Variants in ZC3H18 observed in about 807,000 individuals in gnomAD.
ZC3H18 encodes the protein zinc finger CCCH-type containing 18, also known as zinc finger CCCH domain-containing protein 18.
ZC3H18 carries 8 observed loss-of-function variants against 106.1 expected under a neutral mutation model. That is an observed-to-expected ratio of 0.08 (90% confidence interval 0.04 to 0.14). ZC3H18 has a LOEUF of 0.14. Ranked by LOEUF, ZC3H18 falls within the 10% of genes least tolerant of loss-of-function variation. The pLI is 1.00. For missense variants in ZC3H18, 1,318 were observed against 1,278.4 expected, an observed-to-expected ratio of 1.03 and a Z score of -0.47; for synonymous variants, 635 against 522.1, an observed-to-expected ratio of 1.22 and a Z score of -2.95.
chr16:88,624,485 C>A (rs972848124), intron 11 of ZC3H18, 117 bp from the exon 12 acceptor site: 37 of 1,502,704 alleles, frequency 2.5e-5, no homozygotes, highest in African/African-American at 4.1e-5. Flanking sequence ...AGCGTGCTCA[C>A]CGAGCGTCAC....
intron 4 of ZC3H18, 95 bp downstream of exon 4, chr16:88,598,421 G>T: frequency 6.6e-7 from 1 of 1,514,388 alleles, no homozygotes; most frequent in Non-Finnish European, 8.9e-7. Flanking sequence ...CTTAGCACAG[G>T]CTCAGTGCCC....
chr16:88,591,775 C>T (rs1390411964), intron 3 of ZC3H18, among the ~76,000 whole-genome samples: 2 of 152,196 alleles, frequency 1.3e-5, no homozygotes, highest in South Asian at 4.1e-4. Context: ...TGCTGATGAC[C>T]TGGTGGTTGT....
At chr16:88,578,451 C>A (rs62050299) in intron 2 of ZC3H18, among the ~76,000 whole-genome samples, 1 of 151,986 alleles carries the variant, frequency 6.6e-6, no homozygotes, top group Non-Finnish European at 1.5e-5. Context: ...CCCCAAAGTC[C>A]TCCTGAGTGA....
At chr16:88,574,488 C>T (rs1234782966) in intron 1 of ZC3H18, among the ~76,000 whole-genome samples, 2 of 151,632 alleles carry the variant, frequency 1.3e-5, no homozygotes, top group Non-Finnish European at 1.5e-5. Context: ...GGATTACAGA[C>T]GCGAGCCACC....
intron 17 of ZC3H18, 76 bp from the exon 18 acceptor site, chr16:88,631,025 C>T: frequency 6.3e-7 from 1 of 1,577,408 alleles, no homozygotes; most frequent in Non-Finnish European, 8.6e-7. Context: ...AGTGGAAGCG[C>T]CCCTACGGGG....
chr16:88,606,462 TAC>T (rs1905015837), intron 6 of ZC3H18, among the ~76,000 whole-genome samples: 1 of 152,238 alleles, frequency 6.6e-6, no homozygotes, highest in Non-Finnish European at 1.5e-5. Context: ...TTTGCTTAAG[TAC>T]AGTTTCCCAA....
intron 6 of ZC3H18, among the ~76,000 whole-genome samples, chr16:88,604,098 T>C (rs1904891180): frequency 6.6e-6 from 1 of 152,166 alleles, no homozygotes; most frequent in African/African-American, 2.4e-5. Context: ...ATGTCTATAA[T>C]CCTAGTGTTT....
chr16:88,614,477 G>A (rs568332251), intron 8 of ZC3H18, among the ~76,000 whole-genome samples: 2 of 152,342 alleles, frequency 1.3e-5, no homozygotes, highest in South Asian at 4.1e-4. Flanking sequence ...TTGTTTCAGG[G>A]TCACTCATGG....
In ZC3H18 at chr16:88,570,485, G is replaced by A. The variant is rs1322116280; in HGVS notation, c.-96G>A. ...CGAGCCTGGAGCCAGAACCTGTGAA[G>A]AGCGGAAGGGCCAAGGGACGTCTTC... On this transcript the variant is annotated 5_prime_UTR_variant, in exon 1 of 18. Coordinates refer to ENST00000301011, the MANE Select transcript of ZC3H18 (RefSeq NM_144604.4). The A allele has an allele frequency of 1.3e-5, 2 of 152,062 alleles. No individual in the cohort carries two copies. Among genetic ancestry groups the A allele is most frequent in the African/African-American group, 2.4e-5 (1 of 41,418 alleles). 9.4% of individuals were successfully genotyped at this position (152,062 alleles called of 1,614,324 possible).
intron 3 of ZC3H18, among the ~76,000 whole-genome samples, chr16:88,591,033 C>A: frequency 6.6e-6 from 1 of 150,932 alleles, no homozygotes; most frequent in Non-Finnish European, 1.5e-5. Flanking sequence ...TGCAGTGGCA[C>A]CATCTCGGCT....
At chr16:88,619,564 T>C (rs1009421639) in intron 8 of ZC3H18, among the ~76,000 whole-genome samples, 8 of 152,180 alleles carry the variant, frequency 5.3e-5, no homozygotes, top group South Asian at 2.1e-4. Context: ...GGTATCATTG[T>C]CTCCAGAGGG....
chr16:88,623,972 C>T lies in ZC3H18; in HGVS notation c.1808C>T (p.Ser603Phe). 3 of 1,612,672 alleles carry T rather than the reference C, an allele frequency of 1.9e-6. No individual in the cohort carries two copies. Among genetic ancestry groups the T allele is most frequent in the South Asian group, 1.1e-5 (1 of 90,954 alleles). The change falls in exon 11 of 18, where the codon TCT becomes TTT. Residue 603 changes from serine (S) to phenylalanine (F), a missense_variant. Transcript: ENST00000301011. ...CACTCCCCTAGGTCCCGGTCCTTCT[C>T]TTCGTCCCCGTCCCCGTCCCCAACA... ...SGSRSRSRSF[S>F]SSPSPSPTPS...
At chr16:88,598,998 A>T (rs1904602436) in intron 5 of ZC3H18, among the ~76,000 whole-genome samples, 1 of 152,178 alleles carries the variant, frequency 6.6e-6, no homozygotes, top group African/African-American at 2.4e-5. Context: ...AGCTGGGATT[A>T]CAGGCATGCG....
At chr16:88,575,828 G>A (rs1000329528) in intron 1 of ZC3H18, among the ~76,000 whole-genome samples, 3 of 151,772 alleles carry the variant, frequency 2.0e-5, no homozygotes, top group African/African-American at 2.4e-5. Context: ...ATCCTCCTGC[G>A]TCAGACTCCC....
Position 88,611,312 on chromosome 16 carries a change from C to A in ZC3H18, c.1251C>A (p.Arg417=). The A allele has an allele frequency of 1.4e-6, 1 of 738,084 alleles. No individual in the cohort carries two copies. The highest frequency in any genetic ancestry group is 1.4e-5 in the South Asian group (1 of 69,628). 45.7% of individuals were successfully genotyped at this position (738,084 alleles called of 1,614,324 possible). A position where few individuals can be genotyped will look rare whatever the true frequency, so the allele number is the denominator to read the frequency against. Residue 417 remains arginine, a synonymous_variant, in exon 8 of 18, where the codon CGC becomes CGA. Transcript: ENST00000301011. Reference sequence around the variant, plus strand: ...AGAGAGAGAACAGACAGCGCGAGCGCGAGCGGGAGCGGGAGCGGGACCGAG... The same window carrying A: ...AGAGAGAGAACAGACAGCGCGAGCGAGAGCGGGAGCGGGAGCGGGACCGAG... The part of the protein sequence containing the change: ...ERERENRQRE[R]ERERERDRER...
At chr16:88,575,065 G>A (rs1376485831) in intron 1 of ZC3H18, among the ~76,000 whole-genome samples, 3 of 150,798 alleles carry the variant, frequency 2.0e-5, no homozygotes, top group Non-Finnish European at 4.4e-5. Context: ...TCCTGACCTC[G>A]TGATCCACCC....
At chr16:88,602,738 C>T (rs902733286) in intron 6 of ZC3H18, among the ~76,000 whole-genome samples, 5 of 152,140 alleles carry the variant, frequency 3.3e-5, no homozygotes, top group African/African-American at 1.2e-4. Flanking sequence ...GTCTCCAACT[C>T]CTGGACTCAA....
Position 88,624,231 on chromosome 16 carries a change from G to A in ZC3H18, c.1898+169G>A, listed in dbSNP as rs1042233006. 18 of 892,514 alleles carry A rather than the reference G, an allele frequency of 2.0e-5. 1 individual carries two copies. Among genetic ancestry groups the A allele is most frequent in the South Asian group, 5.1e-5 (3 of 58,616 alleles). The allele number at this position is 892,514 out of a possible 1,614,324, so 55.3% of individuals were successfully genotyped here. A position where few individuals can be genotyped will look rare whatever the true frequency, so the allele number is the denominator to read the frequency against. ...CTGGGAGGCACTGGGCACAGCTCCT[G>A]TTCTCACGGGCCACCCTTACACAGC... On this transcript the variant is annotated intron_variant, in intron 11 of 17. Coordinates refer to ENST00000301011, the MANE Select transcript of ZC3H18 (RefSeq NM_144604.4).
intron 2 of ZC3H18, 89 bp from the exon 3 acceptor site, chr16:88,586,511 C>A: frequency 9.4e-7 from 1 of 1,066,636 alleles, no homozygotes; most frequent in Non-Finnish European, 1.5e-6. Flanking sequence ...CCAGGTTCCA[C>A]ACGCAGCTTC....
Sources: allele counts gnomAD v4.1 joint callset (sites outside exome capture counted in the v4.1 genomes callset), GRCh38; gene constraint gnomAD v4.1.1; transcripts MANE v1.5; gene names NCBI Gene and HGNC (gene_info 2026-07-23, HGNC 2026-07-21).